PXDNL: variants seen among roughly 807,000 people sequenced by gnomAD.
PXDNL encodes peroxidasin like, also known as probable oxidoreductase PXDNL.
PXDNL carries 145 observed loss-of-function variants against 150.8 expected under a neutral mutation model. That is an observed-to-expected ratio of 0.96 (90% CI 0.84 to 1.10). The LOEUF (loss-of-function observed/expected upper bound fraction) is 1.10. Ranked by LOEUF, PXDNL falls within the 50% of genes least tolerant of loss-of-function variation. PXDNL has a pLI of 0.00. For missense variants in PXDNL, 2,087 were observed against 1,873.9 expected (o/e 1.11, Z -2.10); for synonymous variants, 757 against 725.7 (o/e 1.04, Z -0.69).
At chr8:51,764,976 A>G (rs895811161) in intron 1 of PXDNL, among the ~76,000 whole-genome samples, 3 of 152,050 alleles carry the variant, frequency 2.0e-5, no homozygotes, top group Non-Finnish European at 2.9e-5. Flanking sequence ...TCTGTTATTG[A>G]GTGCATATAT....
intron 1 of PXDNL, among the ~76,000 whole-genome samples, chr8:51,799,793 C>G (rs1386203287): frequency 1.3e-5 from 2 of 152,168 alleles, no homozygotes; most frequent in African/African-American, 4.8e-5. Context: ...GCACCTACAT[C>G]TGGCTTAAAA....
At chr8:51,325,838 T>C (rs1374175898) in intron 21 of PXDNL, among the ~76,000 whole-genome samples, 1 of 152,204 alleles carries the variant, frequency 6.6e-6, no homozygotes, top group African/African-American at 2.4e-5. Flanking sequence ...GAAAGCCACC[T>C]CCTCACTTGG....
At chr8:51,339,420 A>T (rs1165218626) in intron 21 of PXDNL, among the ~76,000 whole-genome samples, 4 of 152,236 alleles carry the variant, frequency 2.6e-5, no homozygotes, top group Non-Finnish European at 4.4e-5. Context: ...GAATTGTGCT[A>T]CTACATTCCA....
chr8:51,472,793 A>T (rs1810377765), intron 7 of PXDNL, among the ~76,000 whole-genome samples: 1 of 152,216 alleles, frequency 6.6e-6, no homozygotes, highest in African/African-American at 2.4e-5. Flanking sequence ...CCATCTTCCA[A>T]TAATAATTGA....
chr8:51,677,409 T>C (rs1479433807), intron 1 of PXDNL, among the ~76,000 whole-genome samples: 1 of 152,232 alleles, frequency 6.6e-6, no homozygotes, highest in African/African-American at 2.4e-5. Context: ...AAATGTTTGA[T>C]GAGGATTTAG....
In PXDNL at chr8:51,445,144, A is replaced by G. The variant is rs555520229; in HGVS notation, c.1525+1860T>C. On this transcript the variant is annotated intron_variant, in intron 12 of 22. Coordinates refer to ENST00000356297, the MANE Select transcript of PXDNL (RefSeq NM_144651.5). ...CATGTTGGCCAGGCTGGTCTCGAAC[A>G]CCTGATCTCAGGTGATCCACTAGCC... 3.9e-5 allele frequency among the ~76,000 whole-genome samples: 6 copies of G among 152,040 alleles called. No homozygotes were observed. In the South Asian group the frequency reaches 1.2e-3, roughly 32 times the overall value.
At chr8:51,570,944 T>C (rs1490998964) in intron 3 of PXDNL, among the ~76,000 whole-genome samples, 3 of 151,886 alleles carry the variant, frequency 2.0e-5, no homozygotes, top group Non-Finnish European at 4.4e-5. Flanking sequence ...ATTCTCACTA[T>C]ACTTGGGGGC....
intron 21 of PXDNL, among the ~76,000 whole-genome samples, chr8:51,328,315 C>T (rs985517800): frequency 6.6e-6 from 1 of 152,218 alleles, no homozygotes; most frequent in Admixed American, 6.5e-5. Flanking sequence ...CTGGAGAACT[C>T]TGACTAATGC....
At chr8:51,639,021 C>A (rs1371275205) in intron 2 of PXDNL, among the ~76,000 whole-genome samples, 6 of 152,186 alleles carry the variant, frequency 3.9e-5, no homozygotes, top group Admixed American at 3.9e-4. Context: ...ACAGTACAAT[C>A]AAACTAGAAC....
At chr8:51,419,236 G>GTA (rs1011408176) in intron 14 of PXDNL, among the ~76,000 whole-genome samples, 6 of 152,162 alleles carry the variant, frequency 3.9e-5, no homozygotes, top group African/African-American at 1.4e-4. Context: ...ATTTGAACCA[G>GTA]TATATGCATG....
chr8:51,333,982 T>C (rs4873545), intron 21 of PXDNL, among the ~76,000 whole-genome samples: 33,961 of 151,984 alleles, frequency 0.22, 3,915 homozygotes, highest in Middle Eastern at 0.3. Context: ...AACAGATATA[T>C]ACAGAACACT....
intron 1 of PXDNL, among the ~76,000 whole-genome samples, chr8:51,798,396 C>T (rs538652804): frequency 6.6e-6 from 1 of 152,080 alleles, no homozygotes; most frequent in Non-Finnish European, 1.5e-5. Context: ...AGTGAACAGA[C>T]AACATACAGA....
chr8:51,417,971 T>C (rs760438137), intron 14 of PXDNL, among the ~76,000 whole-genome samples: 2 of 152,216 alleles, frequency 1.3e-5, no homozygotes, highest in Non-Finnish European at 2.9e-5. Flanking sequence ...AGACGTTTTA[T>C]TTGTTTTCTT....
intron 5 of PXDNL, among the ~76,000 whole-genome samples, chr8:51,490,639 TATATATACATATATATACAC>T (rs1810868061): frequency 6.9e-6 from 1 of 145,580 alleles, no homozygotes; most frequent in Non-Finnish European, 1.5e-5. Flanking sequence ...TATATATACA[TATATATACATATATATACAC>T]ATATATACAT....
intron 4 of PXDNL, among the ~76,000 whole-genome samples, chr8:51,532,060 T>A (rs1363148623): frequency 7.0e-6 from 1 of 141,982 alleles, no homozygotes; most frequent in African/African-American, 2.6e-5. Context: ...GATTATAAAT[T>A]GAGGTTGCGG....
intron 18 of PXDNL, among the ~76,000 whole-genome samples, chr8:51,374,141 G>C (rs890787214): frequency 1.3e-5 from 2 of 152,160 alleles, no homozygotes; most frequent in African/African-American, 2.4e-5. Context: ...TCCTCCATGA[G>C]AATGAAGGGA....
chr8:51,404,308 G>A (rs1808371068), intron 17 of PXDNL, among the ~76,000 whole-genome samples: 2 of 152,238 alleles, frequency 1.3e-5, no homozygotes, highest in Non-Finnish European at 2.9e-5. Context: ...CCCACATCCT[G>A]CTGATTGGTC....
At chr8:51,407,092 C>A (rs146061608) in intron 17 of PXDNL, among the ~76,000 whole-genome samples, 2 of 152,268 alleles carry the variant, frequency 1.3e-5, no homozygotes, top group African/African-American at 4.8e-5. Flanking sequence ...CACAGGCTCT[C>A]GGTACTATTG....
At chr8:51,643,930 C>T (rs182392091) in intron 2 of PXDNL, among the ~76,000 whole-genome samples, 246 of 152,004 alleles carry the variant, frequency 1.6e-3, no homozygotes, top group Non-Finnish European at 3.0e-3. Flanking sequence ...CCAACAGACA[C>T]GTGAAAAAAT....
Sources: allele counts gnomAD v4.1 joint callset (sites outside exome capture counted in the v4.1 genomes callset), GRCh38; gene constraint gnomAD v4.1.1; transcripts MANE v1.5; gene names NCBI Gene and HGNC (gene_info 2026-07-23, HGNC 2026-07-21).